The following TAB3 variants were observed in gnomAD, a reference collection of about 807,000 sequenced individuals.
TAB3 encodes TGF-beta activated kinase 1 (MAP3K7) binding protein 3, also known as TGF-beta-activated kinase 1 and MAP3K7-binding protein 3.
Under a neutral mutation model 48.1 loss-of-function variants are expected in TAB3, and 18 were observed. The ratio of observed to expected loss-of-function variants is 0.37; its 90% CI spans 0.26 to 0.55. The LOEUF (loss-of-function observed/expected upper bound fraction) is 0.55. Among genes scored for constraint, TAB3 ranks in the 20% least tolerant of loss-of-function variants. The pLI is 0.78. For missense variants in TAB3, 414 were observed against 549.8 expected (o/e 0.75, Z 2.47); for synonymous variants, 185 against 190.2 (o/e 0.97, Z 0.22).
intron 7 of TAB3, among the ~76,000 whole-genome samples, chrX:30,848,587 C>T (rs992091953): frequency 4.5e-5 from 5 of 111,269 alleles, no homozygotes; most frequent in Admixed American, 3.8e-4. Flanking sequence ...CTCGATCTTA[C>T]TAAGGGTTTA....
At chrX:30,878,804 C>T (rs1295936768) in intron 1 of TAB3, among the ~76,000 whole-genome samples, 1 of 111,530 alleles carries the variant, frequency 9.0e-6, no homozygotes, top group East Asian at 2.8e-4. Flanking sequence ...AAAAAATACA[C>T]AGTTAGAAAA....
At position 30,833,039 on chromosome X, in the gene TAB3, C is replaced by T. The variant is rs770090047; in HGVS notation, c.1990+1012G>A. On this transcript the variant is annotated intron_variant, in intron 10 of 10. Transcript: ENST00000288422. ...AGGCTGGAGTGCAGTGGCGTGATCT[C>T]GGCTCACTGCAAGCTCCGCCTCCTG... is the stretch of plus-strand genomic sequence containing the variant. Among the ~76,000 whole-genome samples the T allele has an allele frequency of 1.5e-3, 153 of 104,532 alleles. 1 individual carries two copies. Among genetic ancestry groups the T allele is most frequent in the African/African-American group, 5.3e-3 (149 of 27,901 alleles). 90.8% of individuals were successfully genotyped at this position (104,532 alleles called of 115,157 possible). A position where few individuals can be genotyped will look rare whatever the true frequency, so the allele number is the denominator to read the frequency against.
intron 1 of TAB3, among the ~76,000 whole-genome samples, chrX:30,875,474 C>CT (rs770988576): frequency 0.085 from 8,629 of 101,310 alleles, 843 homozygotes; most frequent in African/African-American, 0.28. Flanking sequence ...GCAGAACTGC[C>CT]TTTTTTTTTT....
At position 30,858,775 on chromosome X, in the gene TAB3, G is replaced by A. The variant is rs776771790; in HGVS notation, c.102+712C>T. Among the ~76,000 whole-genome samples the A allele has an allele frequency of 2.7e-5, 3 of 111,787 alleles. No individual in the cohort carries two copies. The South Asian group carries it at 1.1e-3, about 42-fold the overall frequency. ...GAGATGGGGTACAGGGAAAGTGGTAGGCCAACTTCTCTGTTTGTTGTCCCC... is the reference window on the plus strand; with the variant it reads ...GAGATGGGGTACAGGGAAAGTGGTAAGCCAACTTCTCTGTTTGTTGTCCCC... On this transcript the variant is annotated intron_variant, in intron 5 of 10. Transcript: ENST00000288422.
intron 1 of TAB3, among the ~76,000 whole-genome samples, chrX:30,885,990 A>G (rs1380145014): frequency 1.8e-5 from 2 of 111,905 alleles, no homozygotes; most frequent in Non-Finnish European, 3.8e-5. Flanking sequence ...CAGCATCAGA[A>G]GGAGAGGATG....
At chrX:30,863,204 A>C (rs1472921114) in intron 4 of TAB3, among the ~76,000 whole-genome samples, 1 of 112,363 alleles carries the variant, frequency 8.9e-6, no homozygotes, top group Non-Finnish European at 1.9e-5. Context: ...GCCCTGTACA[A>C]ACATTCACTC....
rs769338652 is a variant in TAB3, at chrX:30,879,295, C to T, written c.-382-7494G>A. ...AGAGAATCAAAAAGCAGGTATCTTC[C>T]TTAGCTCATTTTACAAGGCTACTAA... On this transcript the variant is annotated intron_variant, in intron 1 of 10. Coordinates refer to ENST00000288422, the MANE Select transcript of TAB3 (RefSeq NM_152787.5). Among the ~76,000 whole-genome samples, 5 of 111,862 alleles carry T rather than the reference C, an allele frequency of 4.5e-5. No individual in the cohort carries two copies. The South Asian group carries it at 1.9e-3, about 41-fold the overall frequency.
rs1453076518 is a variant in TAB3, at chrX:30,863,394, C to A, written c.-90-3716G>T. Among the ~76,000 whole-genome samples the A allele has an allele frequency of 2.9e-4, 33 of 112,138 alleles. No individual in the cohort carries two copies. The Admixed American group carries it at 3.0e-3, about 10-fold the overall frequency. The stretch of plus-strand genomic sequence containing the variant: ...AAATATTCCAGCCAATAAATTAAGT[C>A]AATGATACAGTTTGGATGTTTGTCC... On this transcript the variant is annotated intron_variant, in intron 4 of 10. Coordinates refer to ENST00000288422, the MANE Select transcript of TAB3 (RefSeq NM_152787.5).
chrX:30,850,644 G>A (rs188044747), intron 7 of TAB3, among the ~76,000 whole-genome samples: 104 of 108,054 alleles, frequency 9.6e-4, no homozygotes, highest in African/African-American at 1.1e-3. Flanking sequence ...CCTGGGAGGC[G>A]GAGGTTGCCG....
chrX:30,850,066 G>GA (rs1204084787), intron 7 of TAB3, among the ~76,000 whole-genome samples: 6 of 111,881 alleles, frequency 5.4e-5, no homozygotes, highest in Non-Finnish European at 7.5e-5. Flanking sequence ...CAAGCATAGA[G>GA]AAAGTTACTT....
chrX:30,867,730 G>C (rs770364402), intron 2 of TAB3, among the ~76,000 whole-genome samples, 181 bp from the exon 3 acceptor site: 18 of 110,794 alleles, frequency 1.6e-4, no homozygotes, highest in African/African-American at 5.2e-4. Context: ...TTTTCTTTTA[G>C]GTCAGAAATA....
chrX:30,836,841 TCAAAA>T (rs1938238892), intron 9 of TAB3: 1 of 110,988 alleles, frequency 9.0e-6, no homozygotes, highest in South Asian at 3.8e-4. Context: ...GGACCCTGTC[TCAAAA>T]CAAAAACAAA....
In TAB3 at chrX:30,878,370, C is replaced by T. The variant is rs140845779; in HGVS notation, c.-382-6569G>A. On this transcript the variant is annotated intron_variant, in intron 1 of 10. Transcript: ENST00000288422. ...CAAAAATTAGCCAGGTGTGGTGGCA[C>T]GTGCCTGTAGCCCCAGTTACATGGG... 5.5e-3 allele frequency among the ~76,000 whole-genome samples: 601 copies of T among 109,522 alleles called. 4 individuals are homozygous for T. The highest frequency in any genetic ancestry group is 0.019 in the African/African-American group (569 of 30,030).
chrX:30,853,006 G>A, intron 6 of TAB3, 68 bp from the exon 7 acceptor site: 1 of 1,077,035 alleles, frequency 9.3e-7, no homozygotes, highest in Non-Finnish European at 1.3e-6. Flanking sequence ...ATTTCGATAT[G>A]CACTGCTAAT....
At chrX:30,875,756 C>A (rs912377796) in intron 1 of TAB3, among the ~76,000 whole-genome samples, 1 of 111,930 alleles carries the variant, frequency 8.9e-6, no homozygotes, top group Non-Finnish European at 1.9e-5. Context: ...GCTGAGTGTT[C>A]AGGAAACAAT....
intron 2 of TAB3, among the ~76,000 whole-genome samples, chrX:30,869,826 C>T (rs753434159): frequency 8.9e-6 from 1 of 111,985 alleles, no homozygotes; most frequent in East Asian, 2.8e-4. Context: ...TATTGTATAA[C>T]AAATGTACTA....
At chrX:30,858,167 A>G (rs1012335385) in intron 5 of TAB3, among the ~76,000 whole-genome samples, 12 of 112,296 alleles carry the variant, frequency 1.1e-4, no homozygotes, top group Middle Eastern at 4.6e-3. Flanking sequence ...TTGAAGTTCT[A>G]TTTCTTCAGT....
intron 9 of TAB3, among the ~76,000 whole-genome samples, chrX:30,837,665 C>T (rs996437125): frequency 3.6e-5 from 4 of 112,370 alleles, no homozygotes; most frequent in Admixed American, 1.9e-4. Context: ...AATAGTGTCA[C>T]TTGATGAGCA....
At chrX:30,846,031 G>T (rs1415205401) in intron 8 of TAB3, 1 of 1,015,221 alleles carries the variant, frequency 9.9e-7, no homozygotes, top group South Asian at 1.9e-5. Context: ...TGGTGAGTTG[G>T]GTAAATGAAA....
Sources: gnomAD v4.1 joint callset for allele counts (sites outside exome capture counted in the v4.1 genomes callset) on GRCh38, gnomAD v4.1.1 for gene constraint, MANE v1.5 for transcripts, NCBI Gene and HGNC (gene_info 2026-07-23, HGNC 2026-07-21) for gene names.